CAMK1: variants seen among roughly 807,000 people sequenced by gnomAD.
CAMK1 encodes calcium/calmodulin-dependent protein kinase type 1.
A neutral mutation model predicts 49.1 loss-of-function variants in CAMK1; 39 were observed. The observed-to-expected ratio is 0.79, with a 90% CI of 0.62 to 1.04. The LOEUF is 1.04. Ranked by LOEUF, CAMK1 falls within the 50% of genes least tolerant of loss-of-function variation. The probability of loss-of-function intolerance (pLI) is 0.00; values close to 1 mark genes in which losing one functional copy is unlikely to be tolerated. For synonymous variants in CAMK1, 192 were observed against 185.2 expected (o/e 1.04, Z -0.30); for missense variants, 457 against 472.2 (o/e 0.97, Z 0.30).
chr3:9,759,752 T>C lies in CAMK1; in HGVS notation c.746-2A>G. ...TCAAGTGCCGGATGAAATCTTTGGC[T>C]AAACCCCCAAGACAAAAGCAAAGAT... On this transcript the variant is annotated splice_acceptor_variant, in intron 8 of 11. Transcript: ENST00000256460. LOFTEE classifies it high-confidence loss of function. The C allele has an allele frequency of 6.2e-7, 1 of 1,614,130 alleles. No homozygotes were observed. The highest frequency in any genetic ancestry group is 8.5e-7 in the Non-Finnish European group (1 of 1,180,024).
chr3:9,762,532 A>G (rs529476860), intron 5 of CAMK1, among the ~76,000 whole-genome samples: 1 of 152,150 alleles, frequency 6.6e-6, no homozygotes, highest in South Asian at 2.1e-4. Flanking sequence ...ATCTGCCACC[A>G]CGCCGGGCTA....
At position 9,761,348 on chromosome 3, in the gene CAMK1, AAGGG is replaced by A. The variant is rs1241474703; in HGVS notation, c.632+109_632+112del. 12 of 1,059,658 alleles carry A rather than the reference AAGGG, an allele frequency of 1.1e-5. No homozygotes were observed. In the African/African-American group the frequency reaches 1.3e-4, roughly 11 times the overall value. The allele number at this position is 1,059,658 out of a possible 1,614,324, so 65.6% of individuals were successfully genotyped here. ...ATACTGGTAATTGATTGGTGGAAGG[AAGGG>A]AGGGAGGGAAGGAAGGGAGGGCAGA... is the stretch of plus-strand genomic sequence containing the variant. On this transcript the variant is annotated intron_variant, in intron 7 of 11. Transcript: ENST00000256460.
chr3:9,762,835 G>A, intron 5 of CAMK1, 79 bp downstream of exon 5: 2 of 1,445,796 alleles, frequency 1.4e-6, no homozygotes. Flanking sequence ...GGTGAAAGTT[G>A]CCCAAGGTCA....
intron 2 of CAMK1, chr3:9,766,290 G>T: frequency 1.4e-6 from 1 of 701,154 alleles, no homozygotes; most frequent in Non-Finnish European, 2.6e-6. Context: ...AACATTATGT[G>T]GCCCTCTGGA....
intron 4 of CAMK1, 22 bp from the exon 5 acceptor site, chr3:9,763,074 T>C (rs2077964581): frequency 1.2e-6 from 2 of 1,614,036 alleles, no homozygotes; most frequent in Non-Finnish European, 1.7e-6. Flanking sequence ...GATAGGGCAG[T>C]CTGGCAAAGA....
rs769947763 is a variant in CAMK1 at position 9,765,791 on chromosome 3, GCCTT to G, written c.179_182del (p.Glu60AlafsTer19). On this transcript the variant is annotated frameshift_variant, in exon 3 of 12. Coordinates refer to ENST00000256460, the MANE Select transcript of CAMK1 (RefSeq NM_003656.5). LOFTEE classifies it high-confidence loss of function. ...GGACAGCAATCTCATTCTCCATGCT[GCCTT>G]CCTTGCCCTCCAGGGCCTCCTTGGC... is the stretch of plus-strand genomic sequence containing the variant. 1.9e-6 allele frequency: 3 copies of G among 1,613,912 alleles called. No individual in the cohort carries two copies. In the South Asian group the frequency reaches 3.3e-5, roughly 18 times the overall value.
In CAMK1 at chr3:9,760,706, T is replaced by C; in HGVS notation, c.695A>G (p.Lys232Arg). The C allele has an allele frequency of 6.2e-7, 1 of 1,614,084 alleles. No individual in the cohort carries two copies. Among genetic ancestry groups the C allele is most frequent in the Non-Finnish European group, 8.5e-7 (1 of 1,179,994 alleles). ...AGGAGAGTCAAACTCGTACTCGGCCTTCAAAATCTGTTCAAAGAGTTTGGC... is the reference window on the plus strand; with the variant it reads ...AGGAGAGTCAAACTCGTACTCGGCCCTCAAAATCTGTTCAAAGAGTTTGGC... The part of the protein sequence containing the change: ...NDAKLFEQIL[K>R]AEYEFDSPYW... The change falls in exon 8 of 12, where the codon AAG becomes AGG. Residue 232 changes from lysine to arginine, a missense_variant. Physicochemically the swap from Lys to Arg is conservative, Grantham distance 26. Coordinates refer to ENST00000256460, the MANE Select transcript of CAMK1 (RefSeq NM_003656.5).
chr3:9,762,002 A>C (rs895443463), intron 5 of CAMK1: 2 of 438,472 alleles, frequency 4.6e-6, no homozygotes, highest in Non-Finnish European at 8.2e-6. Flanking sequence ...GCCCTAAAGG[A>C]ATGTTTGAAT....
intron 8 of CAMK1, 99 bp from the exon 9 acceptor site, chr3:9,759,849 G>A (rs1006814329): frequency 1.6e-5 from 26 of 1,603,562 alleles, no homozygotes; most frequent in Non-Finnish European, 2.1e-5. Flanking sequence ...CTGGCATCAA[G>A]ACAAAGAGGC....
At chr3:9,762,719 A>G (rs2077943454) in intron 5 of CAMK1, among the ~76,000 whole-genome samples, 195 bp downstream of exon 5, 1 of 151,982 alleles carries the variant, frequency 6.6e-6, no homozygotes, top group Admixed American at 6.6e-5. Context: ...ATAAAATGCC[A>G]CACAATTCAC....
chr3:9,764,702 G>A (rs1174839722), intron 3 of CAMK1, among the ~76,000 whole-genome samples: 2 of 141,256 alleles, frequency 1.4e-5, no homozygotes, highest in African/African-American at 2.7e-5. Flanking sequence ...GTGTGATCTC[G>A]GCTCACCGCA....
intron 2 of CAMK1, among the ~76,000 whole-genome samples, chr3:9,767,001 A>C (rs1380732652): frequency 6.6e-6 from 1 of 151,936 alleles, no homozygotes; most frequent in East Asian, 1.9e-4. Flanking sequence ...CTCTCCCCCC[A>C]GCCTGTGATT....
intron 5 of CAMK1, 133 bp downstream of exon 5, chr3:9,762,781 T>C (rs1264262073): frequency 7.2e-6 from 6 of 836,930 alleles, no homozygotes; most frequent in South Asian, 1.7e-5. Flanking sequence ...GTTTAAAGGT[T>C]ACAAGATCCA....
intron 3 of CAMK1, among the ~76,000 whole-genome samples, chr3:9,764,628 G>GTTTTTTTTTTT (rs55972033): frequency 2.6e-4 from 24 of 92,308 alleles, no homozygotes; most frequent in Non-Finnish European, 2.9e-4. Context: ...TTTTTTTTTT[G>GTTTTTTTTTTT]TTTTTTTTTT....
rs767348912 is a variant in CAMK1 at position 9,757,497 on chromosome 3, A to G, written c.*42T>C. ...GAGGGAAGGGGAGCAGGCTGCCCCC[A>G]AGCCCTCCCACGCAGAGGATCATGA... On this transcript the variant is annotated 3_prime_UTR_variant, in exon 12 of 12. Coordinates refer to ENST00000256460, the MANE Select transcript of CAMK1 (RefSeq NM_003656.5). This position sits in a 1 kb window ranked among gnomAD's most constrained non-coding sequence, Gnocchi z 4.5. The G allele has an allele frequency of 1.2e-6, 2 of 1,604,856 alleles. No homozygotes were observed. Among genetic ancestry groups the G allele is most frequent in the East Asian group, 4.5e-5 (2 of 44,738 alleles).
chr3:9,762,836 C>G, intron 5 of CAMK1, 78 bp downstream of exon 5: 2 of 1,479,840 alleles, frequency 1.4e-6, no homozygotes, highest in East Asian at 2.3e-5. Context: ...GTGAAAGTTG[C>G]CCAAGGTCAG....
intron 3 of CAMK1, 108 bp from the exon 4 acceptor site, chr3:9,763,321 A>C: frequency 7.3e-7 from 1 of 1,368,118 alleles, no homozygotes; most frequent in Non-Finnish European, 1.0e-6. Context: ...TGGCCCCAGC[A>C]GTTCAAAGCT....
At chr3:9,765,986 A>C in intron 2 of CAMK1, 96 bp from the exon 3 acceptor site, 1 of 1,614,110 alleles carries the variant, frequency 6.2e-7, no homozygotes, top group Non-Finnish European at 8.5e-7. Flanking sequence ...CCACTGCTGG[A>C]CCAAGGACGT....
rs1575213144 is a variant in CAMK1, at chr3:9,757,552, G to A, written c.1100C>T (p.Pro367Leu). The change falls in exon 12 of 12, where the codon CCC (proline) becomes CTC (leucine). Residue 367 changes from proline to leucine, a missense_variant. Transcript: ENST00000256460. The surrounding 1 kb of genome is among the most constrained non-coding windows in gnomAD (Gnocchi z 4.5). ...EPGTELSPTL[P>L]HQL ...AGGTCCAGGGCCCTAGAGCTGGTGG[G>A]GCAGTGTGGGGGACAGTTCTGTGCC... is the stretch of plus-strand genomic sequence containing the variant. 2 of 1,613,736 alleles carry A rather than the reference G, an allele frequency of 1.2e-6. No homozygotes were observed. The highest frequency in any genetic ancestry group is 4.5e-5 in the East Asian group (2 of 44,874).
Sources: gnomAD v4.1 joint callset for allele counts (sites outside exome capture counted in the v4.1 genomes callset) on GRCh38, gnomAD v4.1.1 for gene constraint, Gnocchi (gnomAD v3.1) non-coding constraint, MANE v1.5 for transcripts, NCBI Gene and HGNC (gene_info 2026-07-23, HGNC 2026-07-21) for gene names.